DIO1: variants seen among roughly 807,000 people sequenced by gnomAD.
DIO1 encodes the protein type I iodothyronine deiodinase.
In DIO1, 17 loss-of-function variants were observed where a neutral mutation model predicts 25.9. That is an observed-to-expected ratio of 0.66 (90% CI 0.45 to 0.98). DIO1 has a LOEUF of 0.98. Among genes scored for constraint, DIO1 ranks in the 50% least tolerant of loss-of-function variants. The pLI, the probability that DIO1 is intolerant of heterozygous loss-of-function variation, is 0.00. For synonymous variants in DIO1, 115 were observed against 114.0 expected, an observed-to-expected ratio of 1.01 and a Z score of -0.05; for missense variants, 270 against 310.4, an observed-to-expected ratio of 0.87 and a Z score of 0.98.
chr1:53,909,268 T>C (rs1651816018), intron 3 of DIO1, among the ~76,000 whole-genome samples: 1 of 150,364 alleles, frequency 6.7e-6, no homozygotes, highest in Non-Finnish European at 1.5e-5. Context: ...ATACAAAAAT[T>C]AGCCAGGCGT....
Position 53,904,723 on chromosome 1 carries a change from A to G in DIO1, c.395A>G (p.Lys132Arg), listed in dbSNP as rs775669000. The stretch of plus-strand genomic sequence containing the variant: ...TGTACCTGACCTTCATTTATGTTCA[A>G]ATTTGACCAGTTCAAGAGGCTTATT... ...GSCTUPSFMFKFDQFKRLIED... is the reference protein window; with the variant it reads ...GSCTUPSFMFRFDQFKRLIED... The change falls in exon 2 of 4, where the codon AAA becomes AGA. Residue 132 changes from lysine (K) to arginine (R), a missense_variant. By Grantham distance (26) the Lys-to-Arg change is conservative (BLOSUM62 2). Coordinates refer to ENST00000361921, the MANE Select transcript of DIO1 (RefSeq NM_000792.7). 3.1e-6 allele frequency: 5 copies of G among 1,613,922 alleles called. No homozygotes were observed. The highest frequency in any genetic ancestry group is 1.1e-5 in the South Asian group (1 of 91,008).
intron 3 of DIO1, among the ~76,000 whole-genome samples, chr1:53,909,242 C>G (rs1463844719): frequency 6.6e-6 from 1 of 150,896 alleles, no homozygotes; most frequent in African/African-American, 2.4e-5. Context: ...GTGGCGAAAC[C>G]CTGTCTCTAC....
intron 3 of DIO1, among the ~76,000 whole-genome samples, chr1:53,907,392 T>A (rs1177378122): frequency 6.6e-6 from 1 of 152,174 alleles, no homozygotes; most frequent in Non-Finnish European, 1.5e-5. Flanking sequence ...GATGCTCCTC[T>A]GTCCACAGAT....
intron 3 of DIO1, among the ~76,000 whole-genome samples, chr1:53,908,453 G>C (rs974407025): frequency 2.0e-5 from 3 of 152,328 alleles, no homozygotes; most frequent in African/African-American, 7.2e-5. Context: ...CACAACAGCA[G>C]CTGCAGACGA....
At chr1:53,903,567 G>A (rs1651485146) in intron 1 of DIO1, among the ~76,000 whole-genome samples, 1 of 152,062 alleles carries the variant, frequency 6.6e-6, no homozygotes, top group South Asian at 2.1e-4. Flanking sequence ...TTGTATTTCA[G>A]GCTGGGCACG....
chr1:53,909,537 TG>T (rs1228342337), intron 3 of DIO1, among the ~76,000 whole-genome samples: 1 of 152,150 alleles, frequency 6.6e-6, no homozygotes, highest in African/African-American at 2.4e-5. Flanking sequence ...TGAAAAGGGC[TG>T]ACCTAGGGCA....
intron 2 of DIO1, among the ~76,000 whole-genome samples, chr1:53,905,878 G>C (rs373019902): frequency 8.1e-4 from 123 of 152,292 alleles, no homozygotes; most frequent in African/African-American, 2.9e-3. Flanking sequence ...ATTTCACGTT[G>C]AAGAGCAGGG....
chr1:53,905,611 T>C (rs1425224896), intron 2 of DIO1, among the ~76,000 whole-genome samples: 1 of 152,240 alleles, frequency 6.6e-6, no homozygotes, highest in Non-Finnish European at 1.5e-5. Context: ...CCATCCACGC[T>C]GACGCCTAGG....
chr1:53,906,039 C>T, intron 2 of DIO1, 56 bp from the exon 3 acceptor site: 2 of 1,544,936 alleles, frequency 1.3e-6, no homozygotes, highest in Non-Finnish European at 1.8e-6. Flanking sequence ...GCTATTTAGT[C>T]TGCAGGAAGT....
intron 2 of DIO1, among the ~76,000 whole-genome samples, chr1:53,905,708 G>C (rs1411650220): frequency 2.0e-5 from 3 of 152,174 alleles, no homozygotes; most frequent in Non-Finnish European, 4.4e-5. Flanking sequence ...CTAAACCCTT[G>C]CCTCTCCAAG....
intron 1 of DIO1, among the ~76,000 whole-genome samples, chr1:53,900,673 G>A (rs916665105): frequency 1.3e-5 from 2 of 152,082 alleles, no homozygotes; most frequent in African/African-American, 4.8e-5. Context: ...ATTCTTTGCA[G>A]AACACAGAGG....
At chr1:53,905,806 A>G (rs1341880618) in intron 2 of DIO1, among the ~76,000 whole-genome samples, 3 of 152,170 alleles carry the variant, frequency 2.0e-5, no homozygotes, top group African/African-American at 7.2e-5. Flanking sequence ...GAATCTTCCT[A>G]TAACAAGGTC....
In DIO1 at chr1:53,909,915, T is replaced by C; in HGVS notation, c.682-16T>C. The C allele has an allele frequency of 1.2e-6, 2 of 1,613,886 alleles. No individual in the cohort carries two copies. Among genetic ancestry groups the C allele is most frequent in the Non-Finnish European group, 8.5e-7 (1 of 1,179,744 alleles). The stretch of plus-strand genomic sequence containing the variant: ...ATCCTTACAAGTTGGGAATGCCTGA[T>C]TCGTTTCTCTTGCAGGGTAAATCTG... On this transcript the variant is annotated splice_polypyrimidine_tract_variant and intron_variant, in intron 3 of 3. Coordinates refer to ENST00000361921, the MANE Select transcript of DIO1 (RefSeq NM_000792.7).
intron 1 of DIO1, among the ~76,000 whole-genome samples, chr1:53,895,890 C>T (rs1651047614): frequency 6.6e-6 from 1 of 152,204 alleles, no homozygotes; most frequent in African/African-American, 2.4e-5. Flanking sequence ...ATATCCCCCT[C>T]ATTCATGTGG....
At position 53,910,102 on chromosome 1, in the gene DIO1, C is replaced by A; in HGVS notation, c.*103C>A. 1.0e-6 allele frequency: 1 copy of A among 968,178 alleles called. No homozygotes were observed. The highest frequency in any genetic ancestry group is 1.7e-6 in the Non-Finnish European group (1 of 601,644). 60.0% of individuals were successfully genotyped at this position (968,178 alleles called of 1,614,324 possible). A position where few individuals can be genotyped will look rare whatever the true frequency, so the allele number is the denominator to read the frequency against. Reference sequence around the variant, plus strand: ...TTTTACCCTTGACCTGTGTCCCTAGCTGAATCACTAGCTCAGATTTTTCTG... The same window carrying A: ...TTTTACCCTTGACCTGTGTCCCTAGATGAATCACTAGCTCAGATTTTTCTG... On this transcript the variant is annotated 3_prime_UTR_variant, in exon 4 of 4. Transcript: ENST00000361921.
rs1264820548 is a variant in DIO1, at chr1:53,911,074, A to C, written c.*1075A>C. On this transcript the variant is annotated 3_prime_UTR_variant, in exon 4 of 4. Coordinates refer to ENST00000361921, the MANE Select transcript of DIO1 (RefSeq NM_000792.7). ...GTAAACTAATAACAGAATTATTAAA[A>C]TATATCAGGCTATTTTGGATGGCTT... 5 of 152,694 alleles carry C rather than the reference A, an allele frequency of 3.3e-5. No individual in the cohort carries two copies. Among genetic ancestry groups the C allele is most frequent in the Non-Finnish European group, 7.3e-5 (5 of 68,048 alleles). The allele number at this position is 152,694 out of a possible 1,614,324, so 9.5% of individuals were successfully genotyped here.
At chr1:53,906,817 C>T (rs1179237852) in intron 3 of DIO1, among the ~76,000 whole-genome samples, 2 of 152,142 alleles carry the variant, frequency 1.3e-5, no homozygotes, top group Non-Finnish European at 2.9e-5. Flanking sequence ...CCACGCCCAG[C>T]TAATTTTTGT....
At chr1:53,900,310 A>T (rs1569708676) in intron 1 of DIO1, among the ~76,000 whole-genome samples, 4 of 152,126 alleles carry the variant, frequency 2.6e-5, no homozygotes. Context: ...GGGCATGATT[A>T]AAAAAAATTC....
chr1:53,908,508 C>G (rs954406557), intron 3 of DIO1, among the ~76,000 whole-genome samples: 3 of 152,176 alleles, frequency 2.0e-5, no homozygotes, highest in Non-Finnish European at 4.4e-5. Flanking sequence ...ACCTGGCTCT[C>G]AGACTGTAAG....
Sources: allele counts gnomAD v4.1 joint callset (sites outside exome capture counted in the v4.1 genomes callset), GRCh38; gene constraint gnomAD v4.1.1; transcripts MANE v1.5; gene names NCBI Gene and HGNC (gene_info 2026-07-23, HGNC 2026-07-21).